SUFU: variants seen among roughly 807,000 people sequenced by gnomAD.
SUFU encodes suppressor of fused homolog.
Under a neutral mutation model 58.9 loss-of-function variants are expected in SUFU, and 7 were observed. That is an observed-to-expected ratio of 0.12 (90% CI 0.07 to 0.22). SUFU has a LOEUF of 0.22. Among genes scored for constraint, SUFU ranks in the 10% least tolerant of loss-of-function variants. The probability of loss-of-function intolerance (pLI) is 1.00; values close to 1 mark genes in which losing one functional copy is unlikely to be tolerated. For missense variants in SUFU, 451 were observed against 641.3 expected (o/e 0.70, Z 3.20); for synonymous variants, 232 against 254.8 (o/e 0.91, Z 0.85).
chr10:102,519,040 C>A (rs932128233), intron 2 of SUFU, among the ~76,000 whole-genome samples: 1 of 149,958 alleles, frequency 6.7e-6, no homozygotes, highest in Non-Finnish European at 1.5e-5. Context: ...AGGCGGGAGG[C>A]TGAGGCAGGA....
At chr10:102,573,105 G>A (rs1477459147) in intron 3 of SUFU, 13 of 776,250 alleles carry the variant, frequency 1.7e-5, no homozygotes, top group Admixed American at 6.8e-5. Flanking sequence ...GGTGACGTGC[G>A]GATCTTCTTT....
At chr10:102,591,236 C>T (rs1415278259) in intron 3 of SUFU, among the ~76,000 whole-genome samples, 1 of 152,226 alleles carries the variant, frequency 6.6e-6, no homozygotes, top group Non-Finnish European at 1.5e-5. Context: ...TGCTGTGGCT[C>T]ATACTTGTAA....
chr10:102,627,312 C>A, intron 11 of SUFU, 69 bp downstream of exon 11: 1 of 1,395,714 alleles, frequency 7.2e-7, no homozygotes, highest in South Asian at 1.2e-5. Context: ...TGCGTGTGCA[C>A]GTCTGTGCAT....
At chr10:102,575,559 C>T (rs1023339880) in intron 3 of SUFU, among the ~76,000 whole-genome samples, 8 of 152,200 alleles carry the variant, frequency 5.3e-5, no homozygotes, top group South Asian at 2.1e-4. Context: ...AATCCATTAA[C>T]TTATTAATCT....
rs2062317997 is a variant in SUFU at position 102,505,810 on chromosome 10, G to T, written c.182+1476G>T. On this transcript the variant is annotated intron_variant, in intron 1 of 11. Transcript: ENST00000369902. The stretch of plus-strand genomic sequence containing the variant: ...AGAGGAGTTGTTGAAGAGCGCTTCT[G>T]AGTGGAAAGCAGCTCTTGCTAGCTT... Among the ~76,000 whole-genome samples, 4 of 152,166 alleles carry T rather than the reference G, an allele frequency of 2.6e-5. No homozygotes were observed. The South Asian group carries it at 8.3e-4, about 31-fold the overall frequency.
rs139020703 is a variant in SUFU, at chr10:102,632,044, C to G, written c.*1889C>G. The G allele has an allele frequency of 3.2e-3, 736 of 233,358 alleles. 7 individuals carry two copies. The highest frequency in any genetic ancestry group is 0.016 in the African/African-American group (710 of 45,444). 14.5% of individuals were successfully genotyped at this position (233,358 alleles called of 1,614,324 possible). On this transcript the variant is annotated 3_prime_UTR_variant, in exon 12 of 12. Coordinates refer to ENST00000369902, the MANE Select transcript of SUFU (RefSeq NM_016169.4). Reference sequence around the variant, plus strand: ...GCAGAGAGGTGCCATCAGTTCGCCTCCATTCCTTGCCACCATGACCAGCCT... The same window carrying G: ...GCAGAGAGGTGCCATCAGTTCGCCTGCATTCCTTGCCACCATGACCAGCCT...
intron 11 of SUFU, 71 bp downstream of exon 11, chr10:102,627,314 T>A: frequency 1.5e-6 from 2 of 1,338,026 alleles, no homozygotes; most frequent in Non-Finnish European, 2.2e-6. Flanking sequence ...CGTGTGCACG[T>A]CTGTGCATGC....
At chr10:102,623,837 G>A (rs2063763215) in intron 10 of SUFU, among the ~76,000 whole-genome samples, 1 of 152,216 alleles carries the variant, frequency 6.6e-6, no homozygotes, top group African/African-American at 2.4e-5. Flanking sequence ...CTACTCGGGA[G>A]GCTGAGGCAG....
At chr10:102,590,397 C>T (rs1044968352) in intron 3 of SUFU, among the ~76,000 whole-genome samples, 8 of 151,868 alleles carry the variant, frequency 5.3e-5, no homozygotes, top group African/African-American at 1.9e-4. Flanking sequence ...GAACTCCTGA[C>T]CTCGTGATCC....
Position 102,569,513 on chromosome 10 carries a change from A to G in SUFU, c.454+19407A>G, listed in dbSNP as rs527801219. On this transcript the variant is annotated intron_variant, in intron 3 of 11. Coordinates refer to ENST00000369902, the MANE Select transcript of SUFU (RefSeq NM_016169.4). ...ACCCTCACAACTCAGTCCCTTCTCT[A>G]TCTCTCCAAGCAGGTAGAAATGTCC... Among the ~76,000 whole-genome samples, 83 of 152,194 alleles carry G rather than the reference A, an allele frequency of 5.5e-4. No individual in the cohort carries two copies. The South Asian group carries it at 5.8e-3, about 11-fold the overall frequency.
chr10:102,616,030 C>T (rs2063683913), intron 9 of SUFU, among the ~76,000 whole-genome samples: 1 of 139,728 alleles, frequency 7.2e-6, no homozygotes, highest in Non-Finnish European at 1.6e-5. Flanking sequence ...CCCAGTAGCA[C>T]TGGTTTGTCA....
chr10:102,545,139 T>TA (rs993207119), intron 2 of SUFU, among the ~76,000 whole-genome samples: 6 of 151,764 alleles, frequency 4.0e-5, no homozygotes, highest in African/African-American at 1.5e-4. Context: ...GACAAGGTCT[T>TA]ACTCTGTCAC....
At chr10:102,509,063 G>C in intron 1 of SUFU, 106 bp from the exon 2 acceptor site, 1 of 1,497,818 alleles carries the variant, frequency 6.7e-7, no homozygotes, top group Non-Finnish European at 9.3e-7. Context: ...CTTTCACCCA[G>C]GTTCCTCCAG....
intron 8 of SUFU, among the ~76,000 whole-genome samples, chr10:102,613,128 C>T (rs1374670227): frequency 6.6e-6 from 1 of 152,088 alleles, no homozygotes; most frequent in Non-Finnish European, 1.5e-5. Flanking sequence ...AGAAGTCTGA[C>T]GCACGGTGAG....
intron 3 of SUFU, among the ~76,000 whole-genome samples, chr10:102,568,944 A>C (rs1275969610): frequency 1.1e-5 from 1 of 89,008 alleles, no homozygotes; most frequent in African/African-American, 4.0e-5. Flanking sequence ...ATATATATAT[A>C]TATATATATA....
chr10:102,617,220 G>C lies in SUFU; in HGVS notation c.1158-70G>C. 6.2e-7 allele frequency: 1 copy of C among 1,609,098 alleles called. No individual in the cohort carries two copies. The highest frequency in any genetic ancestry group is 8.5e-7 in the Non-Finnish European group (1 of 1,176,414). On this transcript the variant is annotated intron_variant, in intron 9 of 11. Coordinates refer to ENST00000369902, the MANE Select transcript of SUFU (RefSeq NM_016169.4). The surrounding 1 kb of genome is among the most constrained non-coding windows in gnomAD (Gnocchi z 4.4). ...ATAGTCCCCACTGTCCCAGAGCCTT[G>C]GCCAGGCCTGCTGTGCTTGGAACTG... is the stretch of plus-strand genomic sequence containing the variant.
At chr10:102,537,779 A>T (rs1171491931) in intron 2 of SUFU, among the ~76,000 whole-genome samples, 2 of 152,170 alleles carry the variant, frequency 1.3e-5, no homozygotes, top group African/African-American at 4.8e-5. Flanking sequence ...GTGTATACCA[A>T]TTTGGCTTGT....
rs371548374 is a variant in SUFU, at chr10:102,615,409, G to C, written c.1157+7G>C. 4.3e-6 allele frequency: 7 copies of C among 1,613,960 alleles called. No homozygotes were observed. In the South Asian group the frequency reaches 7.7e-5, roughly 18 times the overall value. On this transcript the variant is annotated splice_region_variant and intron_variant, in intron 9 of 11. Coordinates refer to ENST00000369902, the MANE Select transcript of SUFU (RefSeq NM_016169.4). ...TCATTCCTCTCTGCCTAAGGTGAGC[G>C]AGACAGCCCTGCCACACAGTTTACC... is the stretch of plus-strand genomic sequence containing the variant.
At chr10:102,511,806 G>A (rs1422013618) in intron 2 of SUFU, among the ~76,000 whole-genome samples, 1 of 152,074 alleles carries the variant, frequency 6.6e-6, no homozygotes, top group Non-Finnish European at 1.5e-5. Flanking sequence ...AACCTCCTGG[G>A]CTCAAGCAAT....
Sources: allele counts gnomAD v4.1 joint callset (sites outside exome capture counted in the v4.1 genomes callset), GRCh38; gene constraint gnomAD v4.1.1; non-coding constraint Gnocchi (gnomAD v3.1); transcripts MANE v1.5; gene names NCBI Gene and HGNC (gene_info 2026-07-23, HGNC 2026-07-21).